Variants in TP63 observed in about 807,000 individuals in gnomAD.
The protein encoded by TP63 is tumor protein p63, also known as tumor protein 63.
TP63 carries 17 observed loss-of-function variants against 82.8 expected under a neutral mutation model. That is an observed-to-expected ratio of 0.21 (90% confidence interval 0.14 to 0.31). The LOEUF (loss-of-function observed/expected upper bound fraction) is 0.31, where lower values mean the gene tolerates loss of function less well. Among genes scored for constraint, TP63 ranks in the 10% least tolerant of loss-of-function variants. The probability of loss-of-function intolerance (pLI) is 1.00; values close to 1 mark genes in which losing one functional copy is unlikely to be tolerated. For synonymous variants in TP63, 330 were observed against 321.7 expected (o/e 1.03, Z -0.28); for missense variants, 648 against 895.3 (o/e 0.72, Z 3.52).
At chr3:189,719,479 C>G (rs1719213287) in intron 1 of TP63, among the ~76,000 whole-genome samples, 1 of 152,154 alleles carries the variant, frequency 6.6e-6, no homozygotes, top group Admixed American at 6.5e-5. Context: ...CCTGACCAAT[C>G]AACACATCTA....
chr3:189,648,810 T>C (rs1712638273), intron 1 of TP63, among the ~76,000 whole-genome samples: 1 of 146,850 alleles, frequency 6.8e-6, no homozygotes, highest in Non-Finnish European at 1.5e-5. Flanking sequence ...GACTTTGTCA[T>C]GTAAAACCAT....
intron 3 of TP63, among the ~76,000 whole-genome samples, chr3:189,754,938 G>A (rs77685903): frequency 0.1 from 15,374 of 151,534 alleles, 911 homozygotes; most frequent in East Asian, 0.28. Flanking sequence ...TTCAGTGTAG[G>A]CAGATTTGAT....
At chr3:189,707,835 T>C (rs1718313413) in intron 1 of TP63, among the ~76,000 whole-genome samples, 1 of 152,210 alleles carries the variant, frequency 6.6e-6, no homozygotes, top group East Asian at 1.9e-4. Flanking sequence ...AGACCTTACC[T>C]ATTTTTTAGA....
At chr3:189,860,499 A>T (rs972838693) in intron 4 of TP63, among the ~76,000 whole-genome samples, 5 of 152,234 alleles carry the variant, frequency 3.3e-5, no homozygotes, top group African/African-American at 1.2e-4. Context: ...ACAGATTTGC[A>T]AACAATGAAG....
chr3:189,773,501 A>G (rs766890430), intron 3 of TP63, among the ~76,000 whole-genome samples: 2 of 152,218 alleles, frequency 1.3e-5, no homozygotes, highest in Non-Finnish European at 2.9e-5. Context: ...ACACAAAGAG[A>G]GTAAGTTGCC....
chr3:189,757,782 T>A (rs1722294948), intron 3 of TP63, among the ~76,000 whole-genome samples: 2 of 152,106 alleles, frequency 1.3e-5, no homozygotes, highest in Non-Finnish European at 2.9e-5. Context: ...AAGGTGATGG[T>A]CAGGCAGTTG....
chr3:189,828,829 C>T (rs1485439834), intron 4 of TP63, among the ~76,000 whole-genome samples: 4 of 152,266 alleles, frequency 2.6e-5, no homozygotes, highest in East Asian at 1.9e-4. Flanking sequence ...TTAACACTTT[C>T]GTCCTTTTAC....
At position 189,808,565 on chromosome 3, in the gene TP63, T is replaced by A. The variant is rs34429985; in HGVS notation, c.579+39T>A. The A allele has an allele frequency of 1.1e-4, 172 of 1,610,514 alleles. No individual in the cohort carries two copies. The East Asian group carries it at 3.3e-3, about 31-fold the overall frequency. Reference sequence around the variant, plus strand: ...GCACGCACATACCTGACCCCCCAAGTCCAAGGATGGGCTTCACCACGTCCC... The same window carrying A: ...GCACGCACATACCTGACCCCCCAAGACCAAGGATGGGCTTCACCACGTCCC... On this transcript the variant is annotated intron_variant, in intron 4 of 13. Coordinates refer to ENST00000264731, the MANE Select transcript of TP63 (RefSeq NM_003722.5).
chr3:189,871,435 C>T (rs1577155902), intron 9 of TP63, among the ~76,000 whole-genome samples: 1 of 152,194 alleles, frequency 6.6e-6, no homozygotes, highest in East Asian at 1.9e-4. Context: ...ACCCAAGAAG[C>T]TCCAAAGATG....
intron 4 of TP63, chr3:189,829,815 G>GT (rs1348451032): frequency 4.7e-5 from 12 of 253,854 alleles, no homozygotes; most frequent in East Asian, 1.6e-4. Context: ...ACTGCTGACA[G>GT]TTTTTTTCAA....
intron 4 of TP63, among the ~76,000 whole-genome samples, chr3:189,848,219 C>CCTT (rs1715136767): frequency 8.3e-6 from 1 of 120,790 alleles, no homozygotes; most frequent in East Asian, 2.5e-4. Context: ...CCTCCCTCTG[C>CCTT]CTCCTCCTCC....
intron 10 of TP63, 122 bp from the exon 11 acceptor site, chr3:189,886,272 T>C (rs1720433503): frequency 8.7e-7 from 1 of 1,151,394 alleles, no homozygotes. Flanking sequence ...CCATTAATCC[T>C]AGAAGAATGT....
chr3:189,816,518 G>A (rs9861259), intron 4 of TP63, among the ~76,000 whole-genome samples: 52,732 of 151,966 alleles, frequency 0.35, 9,383 homozygotes, highest in East Asian at 0.52. Context: ...CTGTCATATC[G>A]CGAGTAAAAC....
At chr3:189,748,508 C>CAAAAAAAAAAAAAA (rs58926854) in intron 3 of TP63, among the ~76,000 whole-genome samples, 299 of 31,220 alleles carry the variant, frequency 9.6e-3, no homozygotes, top group East Asian at 0.014. Context: ...AGGAAAACTA[C>CAAAAAAAAAAAAAA]AAAAAAAAAA....
At chr3:189,701,765 G>C (rs902208892) in intron 1 of TP63, among the ~76,000 whole-genome samples, 2 of 151,772 alleles carry the variant, frequency 1.3e-5, no homozygotes, top group South Asian at 4.2e-4. Context: ...AAGTGACCTG[G>C]GATTGATTCC....
At chr3:189,795,043 G>A (rs1725555586) in intron 3 of TP63, among the ~76,000 whole-genome samples, 1 of 151,920 alleles carries the variant, frequency 6.6e-6, no homozygotes, top group African/African-American at 2.4e-5. Context: ...ATTACTAATA[G>A]CACACCTTTT....
At chr3:189,864,541 CTTTTTTTTTTTT>C (rs10714778) in intron 5 of TP63, 123 bp downstream of exon 5, 25 of 215,478 alleles carry the variant, frequency 1.2e-4, no homozygotes, top group East Asian at 4.7e-4. Context: ...ATCAGTCTGC[CTTTTTTTTTTTT>C]TTTTTTTTTT....
At chr3:189,771,043 T>C (rs1028660501) in intron 3 of TP63, among the ~76,000 whole-genome samples, 2 of 151,880 alleles carry the variant, frequency 1.3e-5, no homozygotes, top group African/African-American at 2.4e-5. Flanking sequence ...TATCTCTGGA[T>C]TTTTGGCTTA....
chr3:189,819,820 G>C (rs56413159), intron 4 of TP63, among the ~76,000 whole-genome samples: 19,910 of 131,578 alleles, frequency 0.15, 1,460 homozygotes, highest in Middle Eastern at 0.29. Context: ...GGTGCCACCT[G>C]AGCTCACTGC....
Sources: gnomAD v4.1 joint callset for allele counts (sites outside exome capture counted in the v4.1 genomes callset) on GRCh38, gnomAD v4.1.1 for gene constraint, MANE v1.5 for transcripts, NCBI Gene and HGNC (gene_info 2026-07-23, HGNC 2026-07-21) for gene names.